Variants in STK33 observed in about 807,000 individuals in gnomAD.
STK33 encodes the protein serine/threonine kinase 33.
In STK33, 52 loss-of-function variants were observed where a neutral mutation model predicts 58.0. That is an observed-to-expected ratio of 0.90 (90% CI 0.72 to 1.13). The LOEUF (loss-of-function observed/expected upper bound fraction) is 1.13. Ranked by LOEUF, STK33 falls within the 50% of genes most tolerant of loss-of-function variation. STK33 has a pLI of 0.00. For missense variants in STK33, 630 were observed against 604.2 expected, an observed-to-expected ratio of 1.04 and a Z score of -0.45; for synonymous variants, 215 against 200.1, an observed-to-expected ratio of 1.07 and a Z score of -0.63.
intron 1 of STK33, among the ~76,000 whole-genome samples, chr11:8,522,932 C>T (rs1392935604): frequency 6.6e-6 from 1 of 152,196 alleles, no homozygotes; most frequent in Non-Finnish European, 1.5e-5. Flanking sequence ...CCTGGGATTG[C>T]AGGCGCGCGC....
chr11:8,525,001 T>C (rs549084761), intron 1 of STK33, among the ~76,000 whole-genome samples: 2 of 152,214 alleles, frequency 1.3e-5, no homozygotes, highest in Admixed American at 6.5e-5. Context: ...GCTGTTTGTA[T>C]GTCAACTATA....
At chr11:8,393,507 C>T (rs915853496) in intron 15 of STK33, among the ~76,000 whole-genome samples, 2 of 152,082 alleles carry the variant, frequency 1.3e-5, no homozygotes, top group Non-Finnish European at 2.9e-5. Context: ...TTAAGTGAAG[C>T]TGGAGCATAG....
intron 1 of STK33, among the ~76,000 whole-genome samples, chr11:8,559,897 T>G (rs1011550950): frequency 6.6e-6 from 1 of 152,158 alleles, no homozygotes; most frequent in African/African-American, 2.4e-5. Context: ...ATACTATACC[T>G]ATTCTCAGTA....
At chr11:8,452,774 G>A in intron 11 of STK33, 48 bp downstream of exon 11, 1 of 1,538,960 alleles carries the variant, frequency 6.5e-7, no homozygotes, top group Non-Finnish European at 9.0e-7. Context: ...GGCAACAGAG[G>A]ATGATCCTGT....
At chr11:8,364,994 A>G in the STK33 span, among the ~76,000 whole-genome samples, 1 of 144,876 alleles carries the variant, frequency 6.9e-6, no homozygotes, top group East Asian at 2.0e-4. Flanking sequence ...AGCCACATCT[A>G]TGAAGAGGGA....
chr11:8,568,074 A>G (rs945186295), intron 1 of STK33, among the ~76,000 whole-genome samples: 1 of 152,202 alleles, frequency 6.6e-6, no homozygotes, highest in African/African-American at 2.4e-5. Context: ...AAGATGGTCT[A>G]TAATTCCAAG....
At chr11:8,424,538 A>G (rs1226941771) in intron 14 of STK33, among the ~76,000 whole-genome samples, 1 of 151,892 alleles carries the variant, frequency 6.6e-6, no homozygotes, top group Non-Finnish European at 1.5e-5. Context: ...GGTAATTCTA[A>G]TTCTAGATCC....
chr11:8,425,397 T>C (rs527898585), intron 14 of STK33, among the ~76,000 whole-genome samples: 58 of 152,306 alleles, frequency 3.8e-4, no homozygotes, highest in African/African-American at 1.2e-3. Flanking sequence ...AGCCTTGTAG[T>C]ATAGTTTGAA....
intron 1 of STK33, among the ~76,000 whole-genome samples, chr11:8,483,096 C>G (rs1461074063): frequency 6.6e-6 from 1 of 152,118 alleles, no homozygotes; most frequent in African/African-American, 2.4e-5. Context: ...GTTTCTAGTA[C>G]TTTGTCTGAC....
At chr11:8,442,388 G>C (rs1944866159) in intron 11 of STK33, among the ~76,000 whole-genome samples, 1 of 152,174 alleles carries the variant, frequency 6.6e-6, no homozygotes, top group Non-Finnish European at 1.5e-5. Flanking sequence ...CACTGGTGCA[G>C]CACACAGCAG....
the STK33 span, among the ~76,000 whole-genome samples, chr11:8,379,672 T>C: frequency 2.6e-5 from 4 of 152,194 alleles, no homozygotes; most frequent in African/African-American, 7.2e-5. Flanking sequence ...GTTTGTGATA[T>C]AGGTAAACTT....
chr11:8,538,755 A>T (rs904923719), intron 1 of STK33, among the ~76,000 whole-genome samples: 18 of 152,348 alleles, frequency 1.2e-4, no homozygotes, highest in Admixed American at 9.8e-4. Context: ...ATGAACACAC[A>T]CACATATGCA....
At chr11:8,353,614 T>C in the STK33 span, among the ~76,000 whole-genome samples, 2 of 152,072 alleles carry the variant, frequency 1.3e-5, no homozygotes, top group Non-Finnish European at 2.9e-5. Context: ...CCCTCCTCTT[T>C]CCCCACCTTA....
intron 1 of STK33, among the ~76,000 whole-genome samples, chr11:8,564,036 TCCTACAA>T (rs1245633241): frequency 5.3e-5 from 8 of 152,200 alleles, no homozygotes; most frequent in African/African-American, 1.7e-4. Context: ...TGAGGCTCTA[TCCTACAA>T]GCATGCAAAT....
the STK33 span, among the ~76,000 whole-genome samples, chr11:8,342,810 C>A: frequency 9.7e-3 from 1,480 of 152,294 alleles, 14 homozygotes; most frequent in African/African-American, 0.033. Flanking sequence ...TGATAAATAT[C>A]ATTACGGTTA....
chr11:8,593,074 C>T (rs1350112308), intron 1 of STK33, among the ~76,000 whole-genome samples: 1 of 152,012 alleles, frequency 6.6e-6, no homozygotes, highest in Admixed American at 6.6e-5. Context: ...GAAGAAAGTG[C>T]GAGGTGTCAA....
At chr11:8,369,665 C>T in the STK33 span, among the ~76,000 whole-genome samples, 4 of 152,120 alleles carry the variant, frequency 2.6e-5, no homozygotes, top group South Asian at 2.1e-4. Flanking sequence ...GCTCTGATGC[C>T]GGAGCTTAGC....
intron 1 of STK33, among the ~76,000 whole-genome samples, chr11:8,573,400 G>A (rs1778356168): frequency 1.3e-5 from 2 of 152,160 alleles, no homozygotes; most frequent in Admixed American, 6.5e-5. Flanking sequence ...TCATCAATCA[G>A]AAAGGCTAAA....
chr11:8,536,761 G>A (rs952216400), intron 1 of STK33, among the ~76,000 whole-genome samples: 1 of 148,628 alleles, frequency 6.7e-6, no homozygotes, highest in Non-Finnish European at 1.5e-5. Context: ...TTCTTTTTTT[G>A]TTGTTGTTTA....
Sources: gnomAD v4.1 joint callset for allele counts (sites outside exome capture counted in the v4.1 genomes callset) on GRCh38, gnomAD v4.1.1 for gene constraint, MANE v1.5 for transcripts, NCBI Gene and HGNC (gene_info 2026-07-23, HGNC 2026-07-21) for gene names.